ZNF143: variants seen among roughly 807,000 people sequenced by gnomAD.
The protein encoded by ZNF143 is SPH-binding factor.
A neutral mutation model predicts 74.1 loss-of-function variants in ZNF143; 49 were observed. The observed-to-expected ratio is 0.66, with a 90% CI of 0.53 to 0.84. The LOEUF (loss-of-function observed/expected upper bound fraction) is 0.84. Ranked by LOEUF, ZNF143 falls within the 40% of genes least tolerant of loss-of-function variation. The pLI, the probability that ZNF143 is intolerant of heterozygous loss-of-function variation, is 0.00. For missense variants in ZNF143, 637 were observed against 793.4 expected (o/e 0.80, Z 2.37); for synonymous variants, 304 against 282.8 (o/e 1.07, Z -0.75).
intron 14 of ZNF143, among the ~76,000 whole-genome samples, chr11:9,521,876 G>A (rs988437088): frequency 1.3e-5 from 2 of 151,810 alleles, no homozygotes; most frequent in Non-Finnish European, 2.9e-5. Context: ...GACCAACCCA[G>A]GGCAACATGG....
chr11:9,490,925 T>C (rs1847749637), intron 7 of ZNF143, among the ~76,000 whole-genome samples: 2 of 152,054 alleles, frequency 1.3e-5, no homozygotes, highest in African/African-American at 4.8e-5. Context: ...AGAGATGGGG[T>C]TCCCCCCATG....
intron 11 of ZNF143, 74 bp downstream of exon 11, chr11:9,501,344 T>A: frequency 6.6e-7 from 1 of 1,517,808 alleles, no homozygotes; most frequent in Non-Finnish European, 9.0e-7. Context: ...AGAAACCATT[T>A]CCAACTAATC....
At chr11:9,484,800 A>ATTTTT (rs1381085964) in intron 7 of ZNF143, among the ~76,000 whole-genome samples, 1,498 of 66,990 alleles carry the variant, frequency 0.022, 214 homozygotes, top group African/African-American at 0.095. Context: ...CTGGCCAAAG[A>ATTTTT]TTTTTTTTTT....
At chr11:9,486,416 TA>T in intron 7 of ZNF143, among the ~76,000 whole-genome samples, 1 of 37,672 alleles carries the variant, frequency 2.7e-5, no homozygotes, top group Admixed American at 5.1e-4. Context: ...ATATATAATA[TA>T]TATTATATAT....
At chr11:9,492,804 TAGAC>T (rs1847830162) in intron 7 of ZNF143, among the ~76,000 whole-genome samples, 1 of 152,134 alleles carries the variant, frequency 6.6e-6, no homozygotes, top group Non-Finnish European at 1.5e-5. Flanking sequence ...AAGTAGCTGA[TAGAC>T]TAATAGGGAA....
At chr11:9,495,210 G>A (rs760026847) in intron 8 of ZNF143, among the ~76,000 whole-genome samples, 1 of 152,164 alleles carries the variant, frequency 6.6e-6, no homozygotes, top group Non-Finnish European at 1.5e-5. Context: ...TTGGGAGGCC[G>A]AGGCGGGTGG....
intron 13 of ZNF143, among the ~76,000 whole-genome samples, chr11:9,514,880 G>C (rs1008255956): frequency 1.3e-5 from 2 of 152,224 alleles, no homozygotes; most frequent in African/African-American, 4.8e-5. Context: ...TGTAATCCCA[G>C]CACTTTGAGA....
chr11:9,507,663 A>T (rs1239012842), intron 11 of ZNF143, among the ~76,000 whole-genome samples: 1 of 152,136 alleles, frequency 6.6e-6, no homozygotes, highest in Non-Finnish European at 1.5e-5. Flanking sequence ...CAATTAGGTT[A>T]ATTTGTTCCA....
chr11:9,478,755 G>C (rs1847122096), intron 6 of ZNF143, among the ~76,000 whole-genome samples, 169 bp downstream of exon 6: 1 of 152,214 alleles, frequency 6.6e-6, no homozygotes, highest in African/African-American at 2.4e-5. Context: ...GGAGGCCAAA[G>C]TGGGAGGATT....
At chr11:9,492,022 G>C (rs1159324707) in intron 7 of ZNF143, among the ~76,000 whole-genome samples, 1 of 151,908 alleles carries the variant, frequency 6.6e-6, no homozygotes, top group Non-Finnish European at 1.5e-5. Flanking sequence ...TTGGCTCACT[G>C]CAACCTCTGC....
chr11:9,463,208 C>T (rs1266835710), intron 1 of ZNF143, among the ~76,000 whole-genome samples: 2 of 152,170 alleles, frequency 1.3e-5, no homozygotes, highest in Non-Finnish European at 2.9e-5. Flanking sequence ...GTTGTTTCCA[C>T]CCTTTGGCTA....
chr11:9,484,045 G>A (rs770369022), intron 7 of ZNF143, among the ~76,000 whole-genome samples: 1 of 151,556 alleles, frequency 6.6e-6, no homozygotes, highest in Admixed American at 6.6e-5. Context: ...ACCACACCCA[G>A]CTCAGTAAAT....
At chr11:9,522,536 C>T (rs556918338) in intron 14 of ZNF143, among the ~76,000 whole-genome samples, 4 of 152,260 alleles carry the variant, frequency 2.6e-5, no homozygotes, top group African/African-American at 9.6e-5. Context: ...TTTTGTTGCC[C>T]AGGCCGGAGT....
intron 14 of ZNF143, among the ~76,000 whole-genome samples, chr11:9,523,129 T>C (rs894839781): frequency 5.3e-5 from 8 of 152,348 alleles, no homozygotes; most frequent in South Asian, 2.1e-4. Context: ...ATAGAGATTC[T>C]GAATTTTGTT....
chr11:9,492,055 C>T (rs1589900957), intron 7 of ZNF143, among the ~76,000 whole-genome samples: 1 of 151,842 alleles, frequency 6.6e-6, no homozygotes. Context: ...AGTGATTCTC[C>T]TGCCTCCCAA....
intron 6 of ZNF143, 106 bp downstream of exon 6, chr11:9,478,692 A>G (rs947421045): frequency 5.1e-6 from 7 of 1,367,802 alleles, no homozygotes; most frequent in East Asian, 4.8e-5. Context: ...AACCTGGCCA[A>G]TTTTGGCTGG....
chr11:9,502,198 AGT>A (rs1848188978), intron 11 of ZNF143, among the ~76,000 whole-genome samples: 1 of 139,776 alleles, frequency 7.2e-6, no homozygotes, highest in Non-Finnish European at 1.5e-5. Context: ...GGCCTCTCAA[AGT>A]GCTGGGAATC....
In ZNF143 at chr11:9,512,509, C is replaced by T. The variant is rs200523570; in HGVS notation, c.1437C>T (p.Asp479=). The change falls in exon 13 of 16, where the codon GAC becomes GAT. Residue 479 remains aspartate (D), a synonymous_variant. Coordinates refer to ENST00000396602, the MANE Select transcript of ZNF143 (RefSeq NM_003442.6). The part of the protein sequence containing the change: ...QITYVTGVEG[D]DVVSTQVATV... ...CGTATGTTACAGGTGTAGAAGGGGA[C>T]GACGTTGTTTCTACACAAGTAGCCA... 31 of 1,614,080 alleles carry T rather than the reference C, an allele frequency of 1.9e-5. No individual in the cohort carries two copies. The highest frequency in any genetic ancestry group is 1.8e-4 in the East Asian group (8 of 44,884).
At chr11:9,486,377 T>TATAATA (rs1491241348) in intron 7 of ZNF143, among the ~76,000 whole-genome samples, 15 of 37,150 alleles carry the variant, frequency 4.0e-4, no homozygotes, top group Non-Finnish European at 5.4e-4. Flanking sequence ...ATATAATATA[T>TATAATA]TATATATATA....
Sources: gnomAD v4.1 joint callset for allele counts (sites outside exome capture counted in the v4.1 genomes callset) on GRCh38, gnomAD v4.1.1 for gene constraint, MANE v1.5 for transcripts, NCBI Gene and HGNC (gene_info 2026-07-23, HGNC 2026-07-21) for gene names.